The following NRXN3 variants were observed in gnomAD, a reference collection of about 807,000 sequenced individuals.
NRXN3 encodes the protein neurexin III.
In NRXN3, 32 loss-of-function variants were observed where a neutral mutation model predicts 137.6. The observed-to-expected ratio is 0.23, with a 90% CI of 0.18 to 0.31. The LOEUF is 0.31. Ranked by LOEUF, NRXN3 falls within the 10% of genes least tolerant of loss-of-function variation. The probability of loss-of-function intolerance (pLI) is 1.00; values close to 1 mark genes in which losing one functional copy is unlikely to be tolerated. For missense variants in NRXN3, 1,574 were observed against 2,062.5 expected (o/e 0.76, Z 4.59); for synonymous variants, 798 against 784.5 (o/e 1.02, Z -0.29).
intron 18 of NRXN3, among the ~76,000 whole-genome samples, chr14:79,695,059 G>A (rs193170548): frequency 6.6e-6 from 1 of 152,066 alleles, no homozygotes; most frequent in East Asian, 1.9e-4. Flanking sequence ...GAGTAGAGGG[G>A]TAGTTTAAAT....
intron 8 of NRXN3, among the ~76,000 whole-genome samples, chr14:78,771,221 A>G (rs2098726691): frequency 6.6e-6 from 1 of 152,134 alleles, no homozygotes; most frequent in Non-Finnish European, 1.5e-5. Flanking sequence ...CTGCTGTGAG[A>G]CAGCTATTGG....
At chr14:79,455,569 T>C (rs1379347520) in intron 15 of NRXN3, among the ~76,000 whole-genome samples, 2 of 152,194 alleles carry the variant, frequency 1.3e-5, no homozygotes, top group Admixed American at 1.3e-4. Flanking sequence ...GTCATTAGCC[T>C]ATTGAGTTTT....
chr14:79,320,454 C>T (rs957502188), intron 15 of NRXN3, among the ~76,000 whole-genome samples: 1 of 152,162 alleles, frequency 6.6e-6, no homozygotes, highest in South Asian at 2.1e-4. Flanking sequence ...ATGATGTCCA[C>T]AAGATGATAC....
intron 8 of NRXN3, among the ~76,000 whole-genome samples, chr14:78,750,159 G>A (rs2098634305): frequency 6.6e-6 from 1 of 152,218 alleles, no homozygotes; most frequent in African/African-American, 2.4e-5. Context: ...GTGTGATCCA[G>A]CCTCACACAC....
chr14:78,910,663 T>A (rs1271535048), intron 10 of NRXN3, among the ~76,000 whole-genome samples: 1 of 152,138 alleles, frequency 6.6e-6, no homozygotes, highest in East Asian at 1.9e-4. Context: ...TTTCATTTTC[T>A]TTATGGATCC....
At chr14:78,805,119 T>A (rs1316663226) in intron 9 of NRXN3, among the ~76,000 whole-genome samples, 1 of 152,080 alleles carries the variant, frequency 6.6e-6, no homozygotes, top group Non-Finnish European at 1.5e-5. Context: ...CTAAAATCTC[T>A]GGGACACAAA....
intron 4 of NRXN3, among the ~76,000 whole-genome samples, chr14:78,611,570 T>C (rs1296231520): frequency 6.6e-6 from 1 of 152,212 alleles, no homozygotes; most frequent in African/African-American, 2.4e-5. Flanking sequence ...GGCAACCCTA[T>C]GAAGACAGGT....
At chr14:79,810,601 T>C (rs1325519046) in intron 20 of NRXN3, among the ~76,000 whole-genome samples, 3 of 152,240 alleles carry the variant, frequency 2.0e-5, no homozygotes, top group Non-Finnish European at 4.4e-5. Flanking sequence ...AGTTCCTCTT[T>C]GTTAGCCCTA....
chr14:79,787,858 C>T (rs545863114), intron 19 of NRXN3, among the ~76,000 whole-genome samples: 9 of 152,184 alleles, frequency 5.9e-5, no homozygotes, highest in African/African-American at 2.2e-4. Context: ...CTATTTATGT[C>T]CCTGATACCT....
chr14:78,906,229 A>G (rs925287793), intron 10 of NRXN3, among the ~76,000 whole-genome samples: 8 of 152,104 alleles, frequency 5.3e-5, no homozygotes, highest in African/African-American at 1.9e-4. Flanking sequence ...AAATTCATCA[A>G]AGGCTATTTA....
At chr14:78,525,581 C>T (rs1369619042) in intron 4 of NRXN3, among the ~76,000 whole-genome samples, 2 of 152,300 alleles carry the variant, frequency 1.3e-5, no homozygotes, top group South Asian at 2.1e-4. Context: ...TGCATGACCA[C>T]TTGCCATGGT....
intron 1 of NRXN3, among the ~76,000 whole-genome samples, chr14:78,204,611 AATC>A (rs1181562654): frequency 6.6e-6 from 1 of 151,318 alleles, no homozygotes; most frequent in Non-Finnish European, 1.5e-5. Context: ...TGTAGGGAAA[AATC>A]AAGCTATAAA....
intron 16 of NRXN3, among the ~76,000 whole-genome samples, chr14:79,638,591 A>G (rs17109651): frequency 0.024 from 3,627 of 152,324 alleles, 137 homozygotes; most frequent in African/African-American, 0.082. Flanking sequence ...CATTCTCAAT[A>G]ATGAATTTTG....
rs1050085584 is a variant in NRXN3, at chr14:78,495,257, C to A, written c.758-149863C>A. On this transcript the variant is annotated intron_variant, in intron 4 of 20. Coordinates refer to ENST00000335750, the MANE Select transcript of NRXN3 (RefSeq NM_001330195.2). ...CTGGGATGAGCAAAATTGACAGCTTCTAGACATCTGGAAAGAGGCTTTTGA... is the reference window on the plus strand; with the variant it reads ...CTGGGATGAGCAAAATTGACAGCTTATAGACATCTGGAAAGAGGCTTTTGA... Among the ~76,000 whole-genome samples the A allele has an allele frequency of 4.0e-5, 6 of 151,664 alleles. No individual in the cohort carries two copies. In the East Asian group the frequency reaches 9.7e-4, roughly 25 times the overall value.
intron 6 of NRXN3, among the ~76,000 whole-genome samples, chr14:78,659,179 T>C (rs1224980850): frequency 1.3e-5 from 2 of 152,140 alleles, no homozygotes; most frequent in African/African-American, 4.8e-5. Flanking sequence ...AAAGACCATG[T>C]GAAGACAGAG....
At chr14:79,306,767 T>G (rs982765754) in intron 15 of NRXN3, among the ~76,000 whole-genome samples, 3 of 152,140 alleles carry the variant, frequency 2.0e-5, no homozygotes, top group Non-Finnish European at 2.9e-5. Context: ...GTCTGCAAGA[T>G]AGCATCTTGT....
rs143109606 is a variant in NRXN3, at chr14:78,282,325, G to A, written c.727+3663G>A. On this transcript the variant is annotated intron_variant, in intron 3 of 20. Transcript: ENST00000335750. Reference sequence around the variant, plus strand: ...GAAGAGGGAAGAGTAGTGGGTTAGAGCACAGGGAACAATTCTGGGACCTCT... The same window carrying A: ...GAAGAGGGAAGAGTAGTGGGTTAGAACACAGGGAACAATTCTGGGACCTCT... 4.0e-4 allele frequency: 145 copies of A among 364,196 alleles called. No homozygotes were observed. In the East Asian group the frequency reaches 9.9e-3, roughly 25 times the overall value. The allele number at this position is 364,196 out of a possible 1,614,324, so 22.6% of individuals were successfully genotyped here.
chr14:79,192,765 A>ATTCTTT (rs1413090484), intron 15 of NRXN3, among the ~76,000 whole-genome samples: 31 of 115,296 alleles, frequency 2.7e-4, no homozygotes, highest in East Asian at 1.1e-3. Flanking sequence ...AATTCTCTTA[A>ATTCTTT]TTTTTTTTTT....
intron 3 of NRXN3, among the ~76,000 whole-genome samples, chr14:78,286,576 G>A (rs567548855): frequency 6.6e-6 from 1 of 152,262 alleles, no homozygotes; most frequent in East Asian, 1.9e-4. Context: ...TGAGAGTCCA[G>A]GGCAGTGGGT....
Sources: allele counts gnomAD v4.1 joint callset (sites outside exome capture counted in the v4.1 genomes callset), GRCh38; gene constraint gnomAD v4.1.1; transcripts MANE v1.5; gene names NCBI Gene and HGNC (gene_info 2026-07-23, HGNC 2026-07-21).